VDR: variants seen among roughly 807,000 people sequenced by gnomAD.
The protein encoded by VDR is vitamin D receptor.
Under a neutral mutation model 39.7 loss-of-function variants are expected in VDR, and 19 were observed. The observed-to-expected ratio is 0.48, with a 90% CI of 0.33 to 0.70. The LOEUF is 0.70. Among genes scored for constraint, VDR ranks in the 30% least tolerant of loss-of-function variants. The pLI, the probability that VDR is intolerant of heterozygous loss-of-function variation, is 0.02. For synonymous variants in VDR, 242 were observed against 215.8 expected, an observed-to-expected ratio of 1.12 and a Z score of -1.07; for missense variants, 442 against 570.5, an observed-to-expected ratio of 0.77 and a Z score of 2.29.
In VDR at chr12:47,871,841, A is replaced by T. The variant is rs114098938; in HGVS notation, c.147-6664T>A. 5.7e-3 allele frequency among the ~76,000 whole-genome samples: 867 copies of T among 152,352 alleles called. 11 individuals carry two copies. The highest frequency in any genetic ancestry group is 0.02 in the African/African-American group (813 of 41,572). On this transcript the variant is annotated intron_variant, in intron 3 of 9. Transcript: ENST00000549336. ...GAAAAAGAAAGAGGAAGAATGCTGA[A>T]ATGGGAATGAGCTTGAAGAAGTGTT...
intron 3 of VDR, among the ~76,000 whole-genome samples, chr12:47,872,456 C>T (rs767958543): frequency 2.0e-5 from 3 of 152,214 alleles, no homozygotes; most frequent in Non-Finnish European, 2.9e-5. Context: ...GAAGCAGACA[C>T]CATGTCTTAG....
In VDR at chr12:47,891,165, A is replaced by C. The variant is rs113790039; in HGVS notation, c.-83-8391T>G. Among the ~76,000 whole-genome samples the C allele has an allele frequency of 1.1e-3, 165 of 152,272 alleles. 2 individuals are homozygous for C. Among genetic ancestry groups the C allele is most frequent in the African/African-American group, 3.9e-3 (161 of 41,542 alleles). On this transcript the variant is annotated intron_variant, in intron 1 of 9. Transcript: ENST00000549336. ...TCAGACCCCTTGCCTTTGTCCAGCT[A>C]CCTGGGCCAGCCTGATGCCCCTGGC...
At chr12:47,890,293 C>A (rs572907725) in intron 1 of VDR, among the ~76,000 whole-genome samples, 1 of 149,710 alleles carries the variant, frequency 6.7e-6, no homozygotes, top group East Asian at 1.9e-4. Flanking sequence ...TCAACTGCCA[C>A]GAGAAACCCC....
chr12:47,892,088 C>T (rs1006504669), intron 1 of VDR, among the ~76,000 whole-genome samples: 9 of 152,212 alleles, frequency 5.9e-5, no homozygotes, highest in African/African-American at 2.2e-4. Flanking sequence ...CTTCTGGCTG[C>T]CCCAGCTCTT....
At chr12:47,873,641 G>A (rs980522222) in intron 3 of VDR, among the ~76,000 whole-genome samples, 5 of 152,116 alleles carry the variant, frequency 3.3e-5, no homozygotes, top group Non-Finnish European at 5.9e-5. Flanking sequence ...GATTACAGGC[G>A]TGAGCCACCG....
intron 7 of VDR, among the ~76,000 whole-genome samples, chr12:47,847,731 C>T (rs1945306406): frequency 6.6e-6 from 1 of 152,072 alleles, no homozygotes; most frequent in Non-Finnish European, 1.5e-5. Context: ...CGCCACCATG[C>T]TCAGCTAATT....
intron 3 of VDR, among the ~76,000 whole-genome samples, chr12:47,874,820 C>A (rs1426316055): frequency 6.6e-6 from 1 of 152,176 alleles, no homozygotes; most frequent in Non-Finnish European, 1.5e-5. Flanking sequence ...ACGAAGCCAT[C>A]CATGACCATA....
chr12:47,894,245 C>T (rs1292750095), intron 1 of VDR, among the ~76,000 whole-genome samples: 2 of 152,266 alleles, frequency 1.3e-5, no homozygotes, highest in African/African-American at 2.4e-5. Context: ...TAGCTGTCTG[C>T]AGCCCCCCAG....
At chr12:47,861,148 T>A (rs1041677448) in intron 4 of VDR, among the ~76,000 whole-genome samples, 1 of 152,280 alleles carries the variant, frequency 6.6e-6, no homozygotes, top group East Asian at 1.9e-4. Context: ...CTCTACTGTG[T>A]CTGATTACAT....
Position 47,904,666 on chromosome 12 carries a change from T to C in VDR, c.-84+289A>G, listed in dbSNP as rs575065858. The C allele has an allele frequency of 9.5e-5, 146 of 1,531,394 alleles. 2 individuals are homozygous for C. In the African/African-American group the frequency reaches 1.8e-3, roughly 18 times the overall value. The allele number at this position is 1,531,394 out of a possible 1,614,324, so 94.9% of individuals were successfully genotyped here. On this transcript the variant is annotated intron_variant, in intron 1 of 9. Coordinates refer to ENST00000549336, the MANE Select transcript of VDR (RefSeq NM_000376.3). Reference sequence around the variant, plus strand: ...CCCGACAGAAGAAGGAAACAAATACTTCTTGTTGCCCAAGTGCTAAGCACT... The same window carrying C: ...CCCGACAGAAGAAGGAAACAAATACCTCTTGTTGCCCAAGTGCTAAGCACT...
At chr12:47,884,013 C>T (rs1844128191) in intron 1 of VDR, among the ~76,000 whole-genome samples, 1 of 152,238 alleles carries the variant, frequency 6.6e-6, no homozygotes, top group African/African-American at 2.4e-5. Flanking sequence ...CACGTACCCC[C>T]AACCCAGGCC....
Position 47,865,157 on chromosome 12 carries a change from G to C in VDR, c.167C>G (p.Ala56Gly), listed in dbSNP as rs745949193. 6.2e-7 allele frequency: 1 copy of C among 1,613,008 alleles called. No homozygotes were observed. Among genetic ancestry groups the C allele is most frequent in the South Asian group, 1.1e-5 (1 of 91,076 alleles). Residue 56 changes from alanine to glycine, a missense_variant, in exon 4 of 10, where the codon GCA (alanine) becomes GGA (glycine). Around this residue, in one of 5 missense-constraint regions of VDR, gnomAD observed 141 missense variants for 141.3 expected, o/e 1.00. Coordinates refer to ENST00000549336, the MANE Select transcript of VDR (RefSeq NM_000376.3). Reference protein sequence around the residue: ...GFFRRSMKRKALFTCPFNGDC... With the variant: ...GFFRRSMKRKGLFTCPFNGDC... ...CCCGTTGAAGGGGCAGGTGAATAGT[G>C]CCTTCCGCTTCATGCTTCGCCTGCC...
intron 7 of VDR, among the ~76,000 whole-genome samples, chr12:47,847,939 G>A (rs751621908): frequency 3.9e-5 from 6 of 151,934 alleles, no homozygotes; most frequent in African/African-American, 9.7e-5. Context: ...TCACTTTGTC[G>A]CCCAGGCTGG....
intron 1 of VDR, among the ~76,000 whole-genome samples, chr12:47,896,161 G>A (rs1946461836): frequency 6.6e-6 from 1 of 152,268 alleles, no homozygotes; most frequent in South Asian, 2.1e-4. Context: ...AGGAGTCCAT[G>A]AGATAATCAC....
rs1373642475 is a variant in VDR, at chr12:47,842,440, C to T, written c.*2306G>A. On this transcript the variant is annotated 3_prime_UTR_variant, in exon 10 of 10. Transcript: ENST00000549336. ...ATGGTGTAGTGAAAAGGACACCGGA[C>T]CATGACTCCAAAATCTGGTCCTGTC... 1 of 152,270 alleles carries T rather than the reference C, an allele frequency of 6.6e-6. No homozygotes were observed. The highest frequency in any genetic ancestry group is 1.5e-5 in the Non-Finnish European group (1 of 68,026). The allele number at this position is 152,270 out of a possible 1,614,324, so 9.4% of individuals were successfully genotyped here.
At chr12:47,887,225 G>A (rs1946272421) in intron 1 of VDR, among the ~76,000 whole-genome samples, 1 of 150,962 alleles carries the variant, frequency 6.6e-6, no homozygotes, top group African/African-American at 2.4e-5. Context: ...AGGAGGCTGA[G>A]GCGGGAGAAT....
At position 47,846,713 on chromosome 12, in the gene VDR, A is replaced by G; in HGVS notation, c.851T>C (p.Met284Thr). ...RSNESFTMDD[M>T]SWTCGNQDYK... ...GTCTTGGTTGCCACAGGTCCAGGACATGTCGTCCATGGTGAAGGACTCATT... is the reference window on the plus strand; with the variant it reads ...GTCTTGGTTGCCACAGGTCCAGGACGTGTCGTCCATGGTGAAGGACTCATT... The change falls in exon 8 of 10, where the codon ATG becomes ACG. Residue 284 changes from methionine (M) to threonine (T), a missense_variant. Physicochemically the swap from Met to Thr is moderately conservative, Grantham distance 81. This residue lies in a region of VDR where 173 missense variants were observed against 252.0 expected (regional missense o/e 0.69). Coordinates refer to ENST00000549336, the MANE Select transcript of VDR (RefSeq NM_000376.3). The G allele has an allele frequency of 6.2e-7, 1 of 1,614,152 alleles. No homozygotes were observed. The highest frequency in any genetic ancestry group is 8.5e-7 in the Non-Finnish European group (1 of 1,180,034).
intron 3 of VDR, among the ~76,000 whole-genome samples, chr12:47,875,103 C>T (rs1036881773): frequency 6.6e-6 from 1 of 152,334 alleles, no homozygotes; most frequent in Admixed American, 6.5e-5. Flanking sequence ...CAGCAATGGC[C>T]TCTAATGCCT....
intron 1 of VDR, among the ~76,000 whole-genome samples, chr12:47,891,109 A>G (rs1247382490): frequency 2.6e-5 from 4 of 152,158 alleles, no homozygotes. Context: ...CCCAGGTCCT[A>G]CCAGCTCTGA....
Sources: gnomAD v4.1 joint callset for allele counts (sites outside exome capture counted in the v4.1 genomes callset) on GRCh38, gnomAD v4.1.1 for gene constraint, gnomAD v4.1.1 regional missense constraint, MANE v1.5 for transcripts, NCBI Gene and HGNC (gene_info 2026-07-23, HGNC 2026-07-21) for gene names.